The following RAC2 variants were observed in gnomAD, a reference collection of about 807,000 sequenced individuals.
RAC2 encodes ras-related C3 botulinum toxin substrate 2.
In RAC2, 1 loss-of-function variant was observed where a neutral mutation model predicts 24.0. The ratio of observed to expected loss-of-function variants is 0.04; its 90% CI spans 0.01 to 0.20. The LOEUF is 0.20. Ranked by LOEUF, RAC2 falls within the 10% of genes least tolerant of loss-of-function variation. The pLI, the probability that RAC2 is intolerant of heterozygous loss-of-function variation, is 1.00. For synonymous variants in RAC2, 114 were observed against 106.8 expected (o/e 1.07, Z -0.41); for missense variants, 130 against 259.1 (o/e 0.50, Z 3.42).
Position 37,225,915 on chromosome 22 carries a change from C to G in RAC2, c.*127G>C, listed in dbSNP as rs985869999. On this transcript the variant is annotated 3_prime_UTR_variant, in exon 7 of 7. Transcript: ENST00000249071. ...AGTACAGAAAAGACCATCAACGAAG[C>G]TCTGCAGCCATCTGCTAAGAAACGC... 6.5e-6 allele frequency: 1 copy of G among 152,766 alleles called. No individual in the cohort carries two copies. Among genetic ancestry groups the G allele is most frequent in the Non-Finnish European group, 1.5e-5 (1 of 68,538 alleles). 9.5% of individuals were successfully genotyped at this position (152,766 alleles called of 1,614,324 possible).
chr22:37,229,421 C>A (rs540274489), intron 5 of RAC2, among the ~76,000 whole-genome samples: 1 of 152,192 alleles, frequency 6.6e-6, no homozygotes, highest in Non-Finnish European at 1.5e-5. Context: ...CATGTCCCCC[C>A]GAGCCTGTTT....
Position 37,244,223 on chromosome 22 carries a change from G to C in RAC2, c.-75C>G, listed in dbSNP as rs1927495910. On this transcript the variant is annotated 5_prime_UTR_variant, in exon 1 of 7. Coordinates refer to ENST00000249071, the MANE Select transcript of RAC2 (RefSeq NM_002872.5). The stretch of plus-strand genomic sequence containing the variant: ...CGTTTCTGCGGGCGCAAGGGGTGTG[G>C]AGGCTGGTGAGGCGCCTGCTGAGGA... 4.8e-5 allele frequency: 73 copies of C among 1,535,252 alleles called. No individual in the cohort carries two copies. Among genetic ancestry groups the C allele is most frequent in the Non-Finnish European group, 6.5e-5 (73 of 1,119,942 alleles).
At chr22:37,226,896 C>A (rs1926858085) in intron 5 of RAC2, 93 bp from the exon 6 acceptor site, 5 of 1,497,696 alleles carry the variant, frequency 3.3e-6, no homozygotes, top group Non-Finnish European at 4.6e-6. Flanking sequence ...CCCTTCCACG[C>A]CATACACCCC....
At chr22:37,226,902 A>T in intron 5 of RAC2, 99 bp from the exon 6 acceptor site, 1 of 1,446,790 alleles carries the variant, frequency 6.9e-7, no homozygotes, top group Non-Finnish European at 9.5e-7. Flanking sequence ...CACGCCATAC[A>T]CCCCTCCCAC....
At chr22:37,241,991 G>C (rs543420392) in intron 1 of RAC2, among the ~76,000 whole-genome samples, 109 of 152,320 alleles carry the variant, frequency 7.2e-4, no homozygotes, top group Non-Finnish European at 1.2e-3. Flanking sequence ...GCAATGCCGA[G>C]GGGCCCCCGA....
chr22:37,233,548 G>A (rs1927138939), intron 2 of RAC2, among the ~76,000 whole-genome samples: 1 of 152,236 alleles, frequency 6.6e-6, no homozygotes, highest in South Asian at 2.1e-4. Flanking sequence ...CTCTCAAAGT[G>A]CTAGGATTAC....
rs758461304 is a variant in RAC2 at position 37,226,690 on chromosome 22, C to G, written c.562G>C (p.Ala188Pro). 6.2e-7 allele frequency: 1 copy of G among 1,612,884 alleles called. No homozygotes were observed. Among genetic ancestry groups the G allele is most frequent in the Non-Finnish European group, 8.5e-7 (1 of 1,179,484 alleles). The change falls in exon 6 of 7, where the codon GCC (alanine) becomes CCC (proline). Residue 188 changes from alanine (A) to proline (P), a missense_variant. By Grantham distance (27) the Ala-to-Pro change is conservative (BLOSUM62 -1). Transcript: ENST00000249071. ...CPQPTRQQKRACSLL is the reference protein window; with the variant it reads ...CPQPTRQQKRPCSLL ...TCTTACCCCTAGAGGAGGCTGCAGG[C>G]GCGCTTCTGCTGCCGCGTGGGCTGA...
In RAC2 at chr22:37,226,783, A is replaced by G; in HGVS notation, c.469T>C (p.Cys157Arg). 1 of 1,612,420 alleles carries G rather than the reference A, an allele frequency of 6.2e-7. No homozygotes were observed. ...KEIDSVKYLE[C>R]SALTQRGLKT... ...AGGCCTCTCTGGGTGAGAGCTGAGC[A>G]CTCCAGGTATTTCACCGAGTCTGGT... is the stretch of plus-strand genomic sequence containing the variant. The change falls in exon 6 of 7, where the codon TGC (cysteine) becomes CGC (arginine). Residue 157 changes from cysteine to arginine, a missense_variant. Cys to Arg is a radical substitution (Grantham distance 180). Coordinates refer to ENST00000249071, the MANE Select transcript of RAC2 (RefSeq NM_002872.5).
chr22:37,233,526 G>A (rs974151604), intron 2 of RAC2, among the ~76,000 whole-genome samples: 7 of 152,034 alleles, frequency 4.6e-5, no homozygotes, highest in South Asian at 2.1e-4. Flanking sequence ...TAAGTGATCC[G>A]CCCGCCTCGG....
chr22:37,234,396 C>A (rs1377752151), intron 2 of RAC2, among the ~76,000 whole-genome samples: 1 of 152,172 alleles, frequency 6.6e-6, no homozygotes, highest in Non-Finnish European at 1.5e-5. Context: ...TTGCCCAAGG[C>A]CACACAGCCA....
chr22:37,242,550 C>T (rs942083414), intron 1 of RAC2, among the ~76,000 whole-genome samples: 75 of 152,162 alleles, frequency 4.9e-4, no homozygotes, highest in African/African-American at 1.7e-3. Flanking sequence ...CCCTGCCCTG[C>T]GTGGTTTTGT....
At chr22:37,226,343 G>A (rs1329226142) in intron 6 of RAC2, among the ~76,000 whole-genome samples, 1 of 151,968 alleles carries the variant, frequency 6.6e-6, no homozygotes, top group African/African-American at 2.4e-5. Flanking sequence ...GGCTCGACTG[G>A]GCTCTCCTAG....
Position 37,226,723 on chromosome 22 carries a change from G to A in RAC2, c.529C>T (p.Leu177=). 6.2e-7 allele frequency: 1 copy of A among 1,613,118 alleles called. No homozygotes were observed. The highest frequency in any genetic ancestry group is 8.5e-7 in the Non-Finnish European group (1 of 1,179,576). ...TVFDEAIRAV[L]CPQPTRQQKR... is the part of the protein sequence containing the mutation. ...TGCTGCCGCGTGGGCTGAGGGCACA[G>A]CACGGCCCGGATGGCCTCGTCGAAC... Residue 177 remains leucine (L), a synonymous_variant, in exon 6 of 7, where the codon CTG becomes TTG. Transcript: ENST00000249071.
chr22:37,241,047 G>T (rs775533737), intron 2 of RAC2: 28 of 722,034 alleles, frequency 3.9e-5, no homozygotes, highest in Non-Finnish European at 7.0e-5. Context: ...GGCTGGCCAG[G>T]GAGGGGCTGG....
intron 5 of RAC2, 48 bp from the exon 6 acceptor site, chr22:37,226,851 G>GCA (rs1569087511): frequency 8.4e-6 from 12 of 1,425,894 alleles, no homozygotes; most frequent in African/African-American, 7.6e-5. Flanking sequence ...TGGCGGGGGG[G>GCA]GTTCTGGGCC....
chr22:37,233,397 C>A (rs1302367391), intron 2 of RAC2, among the ~76,000 whole-genome samples: 1 of 152,200 alleles, frequency 6.6e-6, no homozygotes, highest in Admixed American at 6.5e-5. Flanking sequence ...ATTCTCCTGC[C>A]TCGGCCTCCC....
intron 2 of RAC2, among the ~76,000 whole-genome samples, chr22:37,234,034 T>C (rs561006154): frequency 6.6e-6 from 1 of 152,172 alleles, no homozygotes; most frequent in African/African-American, 2.4e-5. Context: ...TGACCTTGAC[T>C]CCCAATGTCT....
At position 37,225,980 on chromosome 22, in the gene RAC2, G is replaced by A. The variant is rs918009486; in HGVS notation, c.*62C>T. ...AGCATGGCCAGCCGGGGTGCCATCAGGCTTTGGGTGGGGATCCTGGAGGAT... is the reference window on the plus strand; with the variant it reads ...AGCATGGCCAGCCGGGGTGCCATCAAGCTTTGGGTGGGGATCCTGGAGGAT... On this transcript the variant is annotated 3_prime_UTR_variant, in exon 7 of 7. Coordinates refer to ENST00000249071, the MANE Select transcript of RAC2 (RefSeq NM_002872.5). The A allele has an allele frequency of 2.6e-5, 4 of 153,192 alleles. No homozygotes were observed. Among genetic ancestry groups the A allele is most frequent in the African/African-American group, 9.7e-5 (4 of 41,446 alleles). The allele number at this position is 153,192 out of a possible 1,614,324, so 9.5% of individuals were successfully genotyped here.
chr22:37,231,093 G>T lies in RAC2; in HGVS notation c.448+138C>A. ...AGAGAGGCTACGTGACTCGCCCAAG[G>T]TCACACAGCAAGTGCACAGCACAGC... is the stretch of plus-strand genomic sequence containing the variant. On this transcript the variant is annotated intron_variant, in intron 5 of 6. Transcript: ENST00000249071. This position sits in a 1 kb window ranked among gnomAD's most constrained non-coding sequence, Gnocchi z 5.5. 9.4e-7 allele frequency: 1 copy of T among 1,065,682 alleles called. No individual in the cohort carries two copies. Among genetic ancestry groups the T allele is most frequent in the Non-Finnish European group, 1.4e-6 (1 of 707,936 alleles). 66.0% of individuals were successfully genotyped at this position (1,065,682 alleles called of 1,614,324 possible).
Sources: allele counts gnomAD v4.1 joint callset (sites outside exome capture counted in the v4.1 genomes callset), GRCh38; gene constraint gnomAD v4.1.1; non-coding constraint Gnocchi (gnomAD v3.1); transcripts MANE v1.5; gene names NCBI Gene and HGNC (gene_info 2026-07-23, HGNC 2026-07-21).